ESRRB: variants seen among roughly 807,000 people sequenced by gnomAD.
ESRRB encodes the protein estrogen related receptor beta, also known as steroid hormone receptor ERR2.
Under a neutral mutation model 46.0 loss-of-function variants are expected in ESRRB, and 16 were observed. That is an observed-to-expected ratio of 0.35 (90% CI 0.24 to 0.53). ESRRB has a LOEUF of 0.53. ESRRB is among the 20% of genes least tolerant of loss of function. ESRRB has a pLI of 0.93. For synonymous variants in ESRRB, 246 were observed against 259.6 expected (o/e 0.95, Z 0.50); for missense variants, 488 against 607.4 (o/e 0.80, Z 2.07).
chr14:76,469,893 A>G (rs1383791252), intron 3 of ESRRB, among the ~76,000 whole-genome samples: 1 of 147,118 alleles, frequency 6.8e-6, no homozygotes, highest in African/African-American at 2.5e-5. Context: ...CTTATAATAT[A>G]GTACATTAGG....
rs752267697 is a variant in ESRRB, at chr14:76,499,971, TC to T, written c.*1517del. The T allele has an allele frequency of 1.2e-6, 2 of 1,600,376 alleles. No homozygotes were observed. Among genetic ancestry groups the T allele is most frequent in the South Asian group, 1.1e-5 (1 of 88,510 alleles). ...CTTCACAAGCAGGGATCAGAGCAAC[TC>T]CCCGGGGATCCCCAATCCACGCCCT... On this transcript the variant is annotated 3_prime_UTR_variant, in exon 7 of 7. Transcript: ENST00000644823.
chr14:76,392,857 G>A (rs1885523131), intron 1 of ESRRB, among the ~76,000 whole-genome samples: 1 of 152,206 alleles, frequency 6.6e-6, no homozygotes, highest in African/African-American at 2.4e-5. Context: ...GGAAGGGCAG[G>A]CCCACCTCCT....
chr14:76,452,604 A>G (rs1888429669), intron 2 of ESRRB, among the ~76,000 whole-genome samples: 1 of 145,500 alleles, frequency 6.9e-6, no homozygotes, highest in Non-Finnish European at 1.5e-5. Context: ...TGGGCAACAG[A>G]GTGAGACTCT....
chr14:76,489,222 C>G (rs775587487), intron 5 of ESRRB, among the ~76,000 whole-genome samples: 38 of 151,934 alleles, frequency 2.5e-4, no homozygotes, highest in Non-Finnish European at 5.3e-4. Flanking sequence ...AGTCTGTCTG[C>G]TTTTAGACCC....
chr14:76,451,113 G>T (rs772375850), intron 2 of ESRRB, among the ~76,000 whole-genome samples: 22 of 152,182 alleles, frequency 1.4e-4, no homozygotes, highest in Non-Finnish European at 2.6e-4. Context: ...GAAGTGGAAG[G>T]TAAACATGCT....
chr14:76,435,206 G>A (rs1328201361), intron 1 of ESRRB, among the ~76,000 whole-genome samples: 1 of 152,228 alleles, frequency 6.6e-6, no homozygotes, highest in African/African-American at 2.4e-5. Flanking sequence ...AGAAGAGCCT[G>A]GAAGGAATTT....
At chr14:76,469,384 C>G (rs577717302) in intron 3 of ESRRB, among the ~76,000 whole-genome samples, 5 of 152,254 alleles carry the variant, frequency 3.3e-5, no homozygotes, top group Admixed American at 3.3e-4. Flanking sequence ...AGTGAGCTAC[C>G]ATGCCCAACC....
intron 1 of ESRRB, among the ~76,000 whole-genome samples, chr14:76,343,356 G>T (rs1008674673): frequency 7.2e-5 from 11 of 152,244 alleles, no homozygotes; most frequent in African/African-American, 2.7e-4. Flanking sequence ...TGAGAACATG[G>T]ACTCTGAAGT....
chr14:76,442,071 G>A (rs1887943365), intron 2 of ESRRB, among the ~76,000 whole-genome samples: 1 of 152,206 alleles, frequency 6.6e-6, no homozygotes, highest in African/African-American at 2.4e-5. Context: ...AGATGGTGTG[G>A]TGCATTGGCT....
intron 3 of ESRRB, among the ~76,000 whole-genome samples, chr14:76,467,036 A>C (rs985770660): frequency 6.6e-6 from 1 of 151,830 alleles, no homozygotes; most frequent in African/African-American, 2.4e-5. Flanking sequence ...TAATATTATT[A>C]CTCACGCCCA....
intron 1 of ESRRB, among the ~76,000 whole-genome samples, chr14:76,429,927 C>A (rs1177492888): frequency 6.6e-6 from 1 of 151,958 alleles, no homozygotes; most frequent in African/African-American, 2.4e-5. Flanking sequence ...TGGTTCGTAA[C>A]ACTTAACCAT....
chr14:76,310,827 G>A (rs540522903), exon 1 of ESRRB: 11 of 455,112 alleles, frequency 2.4e-5, no homozygotes, highest in African/African-American at 2.0e-4. Flanking sequence ...CGGAGGAGCG[G>A]AGCAACGAGT....
chr14:76,422,081 T>C (rs928523529), intron 1 of ESRRB, among the ~76,000 whole-genome samples: 5 of 152,126 alleles, frequency 3.3e-5, no homozygotes, highest in Admixed American at 1.3e-4. Context: ...GCAGTCCTGG[T>C]GGCTACAGTC....
In ESRRB at chr14:76,436,590, C is replaced by G. The variant is rs113607488; in HGVS notation, c.51-2751C>G. Among the ~76,000 whole-genome samples the G allele has an allele frequency of 7.8e-4, 119 of 152,278 alleles. 1 individual carries two copies. The highest frequency in any genetic ancestry group is 2.7e-3 in the African/African-American group (113 of 41,556). On this transcript the variant is annotated intron_variant, in intron 1 of 6. Transcript: ENST00000644823. The stretch of plus-strand genomic sequence containing the variant: ...ATTAAAAGTTAGGATGTGGTCAGCT[C>G]TATTCTGCCTGCCTCGTGGAAGGGT...
chr14:76,350,128 T>C (rs561468367), intron 1 of ESRRB, among the ~76,000 whole-genome samples: 1 of 151,902 alleles, frequency 6.6e-6, no homozygotes, highest in Non-Finnish European at 1.5e-5. Context: ...CTGGGGGAGG[T>C]TCCCATGAAG....
intron 1 of ESRRB, among the ~76,000 whole-genome samples, chr14:76,377,218 G>A (rs910049653): frequency 6.6e-6 from 1 of 152,224 alleles, no homozygotes; most frequent in African/African-American, 2.4e-5. Context: ...CGCGAGAAGC[G>A]ACTCTCAGAA....
intron 1 of ESRRB, among the ~76,000 whole-genome samples, chr14:76,318,864 G>C (rs564065514): frequency 1.3e-5 from 2 of 152,304 alleles, no homozygotes; most frequent in African/African-American, 4.8e-5. Context: ...TATAGCAGAA[G>C]ATGCTATATT....
intron 1 of ESRRB, among the ~76,000 whole-genome samples, chr14:76,358,334 A>AGAAG (rs1884415745): frequency 5.9e-5 from 1 of 17,078 alleles, no homozygotes; most frequent in African/African-American, 3.5e-4. Flanking sequence ...AAAGAAAGAA[A>AGAAG]GAAAGAAAGA....
At chr14:76,387,907 G>T (rs879536550) in intron 1 of ESRRB, among the ~76,000 whole-genome samples, 1 of 152,202 alleles carries the variant, frequency 6.6e-6, no homozygotes, top group Non-Finnish European at 1.5e-5. Context: ...CATTTATTGA[G>T]CATTTACTGT....
Sources: allele counts gnomAD v4.1 joint callset (sites outside exome capture counted in the v4.1 genomes callset), GRCh38; gene constraint gnomAD v4.1.1; transcripts MANE v1.5; gene names NCBI Gene and HGNC (gene_info 2026-07-23, HGNC 2026-07-21).